AKT1S1: variants seen among roughly 807,000 people sequenced by gnomAD.
AKT1S1 encodes proline-rich AKT1 substrate 1.
A neutral mutation model predicts 21.2 loss-of-function variants in AKT1S1; 17 were observed. That is an observed-to-expected ratio of 0.80 (90% CI 0.55 to 1.20). The LOEUF (loss-of-function observed/expected upper bound fraction) is 1.20, where lower values mean the gene tolerates loss of function less well. AKT1S1 is among the 50% of genes most tolerant of loss of function. AKT1S1 has a pLI of 0.00. For missense variants in AKT1S1, 366 were observed against 368.3 expected, an observed-to-expected ratio of 0.99 and a Z score of 0.05; for synonymous variants, 181 against 165.6, an observed-to-expected ratio of 1.09 and a Z score of -0.72.
intron 1 of AKT1S1, chr19:49,874,284 A>C (rs979829008): frequency 6.6e-6 from 1 of 152,266 alleles, no homozygotes; most frequent in African/African-American, 2.4e-5. Flanking sequence ...TTCCAGAGGG[A>C]ACTGGCTGGT....
intron 1 of AKT1S1, chr19:49,876,385 G>A: frequency 8.8e-7 from 1 of 1,130,420 alleles, no homozygotes; most frequent in Non-Finnish European, 1.1e-6. Context: ...CTCTGGAACC[G>A]CAAGGTGAGA....
intron 2 of AKT1S1, among the ~76,000 whole-genome samples, chr19:49,872,187 T>C (rs2074892344): frequency 2.0e-5 from 3 of 152,128 alleles, no homozygotes; most frequent in African/African-American, 7.2e-5. Context: ...TAGAGAAACA[T>C]GCAATGACTA....
upstream of AKT1S1, chr19:49,877,969 A>T (rs2074971979): frequency 2.8e-6 from 2 of 717,284 alleles, no homozygotes; most frequent in South Asian, 3.8e-5. Flanking sequence ...CCCCTGTGGA[A>T]CGCACGTCAG....
At chr19:49,871,382 GT>G (rs367656725) in intron 4 of AKT1S1, among the ~76,000 whole-genome samples, 164 bp downstream of exon 4, 6 of 152,226 alleles carry the variant, frequency 3.9e-5, no homozygotes, top group African/African-American at 1.4e-4. Flanking sequence ...GGCTGCAATT[GT>G]TAAAACTGCA....
rs1167292574 is a variant in AKT1S1, at chr19:49,869,671, G to A, written c.*246C>T. On this transcript the variant is annotated 3_prime_UTR_variant, in exon 5 of 5. Coordinates refer to ENST00000344175, the MANE Select transcript of AKT1S1 (RefSeq NM_001098633.4). The stretch of plus-strand genomic sequence containing the variant: ...TCAGCGAGCCAATCCCTTAATAGAA[G>A]GAATCTGTCGCTAGGCGGAGAGAGA... 4.8e-5 allele frequency: 20 copies of A among 419,854 alleles called. No homozygotes were observed. In the Admixed American group the frequency reaches 5.2e-4, roughly 11 times the overall value. 26.0% of individuals were successfully genotyped at this position (419,854 alleles called of 1,614,324 possible).
chr19:49,877,910 A>T (rs749391047), upstream of AKT1S1: 8 of 877,902 alleles, frequency 9.1e-6, no homozygotes, highest in African/African-American at 1.0e-4. Context: ...CCAGGGAAGA[A>T]CCTCCCATGG....
intron 1 of AKT1S1, chr19:49,876,796 C>T: frequency 2.9e-6 from 3 of 1,041,628 alleles, no homozygotes; most frequent in Non-Finnish European, 3.9e-6. Flanking sequence ...CGACAGCTTG[C>T]CCCTAAGAAA....
intron 1 of AKT1S1, chr19:49,876,562 A>T (rs1342228956): frequency 6.7e-7 from 1 of 1,485,924 alleles, no homozygotes; most frequent in African/African-American, 1.4e-5. Context: ...GGACGGCCAA[A>T]TCCTCCCCAC....
chr19:49,877,762 A>G, upstream of AKT1S1: 1 of 1,587,098 alleles, frequency 6.3e-7, no homozygotes. Flanking sequence ...CTGAGGACGC[A>G]TTCCCTCGCT....
chr19:49,876,979 G>A (rs910926428), intron 1 of AKT1S1: 10 of 331,600 alleles, frequency 3.0e-5, no homozygotes, highest in Non-Finnish European at 5.5e-5. Context: ...GCAGCCAACC[G>A]GGCTTAATCA....
intron 2 of AKT1S1, among the ~76,000 whole-genome samples, chr19:49,872,358 T>C (rs961401669): frequency 1.3e-4 from 20 of 152,076 alleles, no homozygotes; most frequent in Non-Finnish European, 1.5e-5. Flanking sequence ...GGCCTGCCAT[T>C]GGTAATAACA....
Position 49,873,278 on chromosome 19 carries a change from G to C in AKT1S1, c.18C>G (p.Pro6=), listed in dbSNP as rs1420769720. 2.0e-6 allele frequency: 3 copies of C among 1,516,750 alleles called. No homozygotes were observed. Among genetic ancestry groups the C allele is most frequent in the South Asian group, 2.4e-5 (2 of 82,174 alleles). 94.0% of individuals were successfully genotyped at this position (1,516,750 alleles called of 1,614,324 possible). Residue 6 remains proline, a synonymous_variant, in exon 2 of 5, where the codon CCC becomes CCG. Coordinates refer to ENST00000344175, the MANE Select transcript of AKT1S1 (RefSeq NM_001098633.4). This position sits in a 1 kb window ranked among gnomAD's most constrained non-coding sequence, Gnocchi z 6.9. MASGR[P]EELWEAVVGA... ...CCACCACGGCCTCCCACAGCTCCTC[G>C]GGGCGCCCCGACGCCATCCGCGCCC...
At chr19:49,876,106 C>T (rs1453318728) in intron 1 of AKT1S1, 26 of 987,952 alleles carry the variant, frequency 2.6e-5, no homozygotes, top group Non-Finnish European at 2.9e-5. Flanking sequence ...TTTTAGTACC[C>T]CACACCCCAA....
chr19:49,876,662 G>T (rs551475314), intron 1 of AKT1S1: 16 of 1,493,092 alleles, frequency 1.1e-5, no homozygotes, highest in Non-Finnish European at 1.3e-5. Context: ...ACATGGCGGC[G>T]CCTTGCGTCA....
rs2074885786 is a variant in AKT1S1 at position 49,871,677 on chromosome 19, G to GT, written c.496dup (p.Thr166AsnfsTer40). On this transcript the variant is annotated frameshift_variant, in exon 4 of 5. Transcript: ENST00000344175. LOFTEE classifies it high-confidence loss of function. ...GGCTGAGGCTGGGGGCACTGAGCAG[G>GT]TGGGGGGGCCGGCGGGGGTCTCCTC... 1 of 1,613,478 alleles carries GT rather than the reference G, an allele frequency of 6.2e-7. No individual in the cohort carries two copies. Among genetic ancestry groups the GT allele is most frequent in the African/African-American group, 1.3e-5 (1 of 74,922 alleles).
At chr19:49,872,778 G>A in intron 2 of AKT1S1, 139 bp downstream of exon 2, 3 of 1,062,776 alleles carry the variant, frequency 2.8e-6, no homozygotes, top group Non-Finnish European at 4.0e-6. Context: ...CAAGCCCCAG[G>A]CAAGCCTGTC....
chr19:49,872,954 C>T lies in AKT1S1; in HGVS notation c.342G>A (p.Glu114=). 6.2e-7 allele frequency: 1 copy of T among 1,603,762 alleles called. No individual in the cohort carries two copies. Among genetic ancestry groups the T allele is most frequent in the South Asian group, 1.1e-5 (1 of 89,352 alleles). The change falls in exon 2 of 5, where the codon GAG becomes GAA. Residue 114 remains glutamate (E), a synonymous_variant. Coordinates refer to ENST00000344175, the MANE Select transcript of AKT1S1 (RefSeq NM_001098633.4). ...TAATGCCCAGCTGCTCCCCGGAGGT[C>T]TCTGTCTCTGTGGGCTCATCCTCGT... ...EEDEDEPTET[E]TSGEQLGISD... is the part of the protein sequence containing the mutation.
chr19:49,876,771 A>G, intron 1 of AKT1S1: 3 of 1,248,114 alleles, frequency 2.4e-6, no homozygotes, highest in South Asian at 3.6e-5. Context: ...CATCCGAACC[A>G]GTTGACAAGG....
At chr19:49,872,813 C>G in intron 2 of AKT1S1, 104 bp downstream of exon 2, 2 of 1,369,040 alleles carry the variant, frequency 1.5e-6, no homozygotes, top group Non-Finnish European at 2.0e-6. Flanking sequence ...TGAGACTGCA[C>G]TTCTGTAGAA....
Sources: gnomAD v4.1 joint callset for allele counts (sites outside exome capture counted in the v4.1 genomes callset) on GRCh38, gnomAD v4.1.1 for gene constraint, Gnocchi (gnomAD v3.1) non-coding constraint, MANE v1.5 for transcripts, NCBI Gene and HGNC (gene_info 2026-07-23, HGNC 2026-07-21) for gene names.